Variants in SLC8A1 observed in about 807,000 individuals in gnomAD.
SLC8A1 encodes the protein sodium/calcium exchanger 1.
Under a neutral mutation model 68.3 loss-of-function variants are expected in SLC8A1, and 18 were observed. That is an observed-to-expected ratio of 0.26 (90% CI 0.18 to 0.39). The LOEUF (loss-of-function observed/expected upper bound fraction) is 0.39. SLC8A1 is among the 10% of genes least tolerant of loss of function. SLC8A1 has a pLI of 1.00. For missense variants in SLC8A1, 985 were observed against 1,156.7 expected (o/e 0.85, Z 2.15); for synonymous variants, 475 against 415.5 (o/e 1.14, Z -1.74).
intron 1 of SLC8A1, among the ~76,000 whole-genome samples, chr2:40,478,833 G>T (rs1170387638): frequency 6.6e-6 from 1 of 150,902 alleles, no homozygotes; most frequent in African/African-American, 2.4e-5. Context: ...GTGCAATGGC[G>T]CAGTCCCAGC....
At chr2:40,264,883 T>C (rs374064486) in intron 2 of SLC8A1, among the ~76,000 whole-genome samples, 57 of 152,180 alleles carry the variant, frequency 3.7e-4, no homozygotes, top group African/African-American at 1.2e-3. Context: ...TTAATGACCA[T>C]TAATTATAGC....
At position 40,283,779 on chromosome 2, in the gene SLC8A1, C is replaced by T. The variant is rs983192432; in HGVS notation, c.1809-105924G>A. On this transcript the variant is annotated intron_variant, in intron 2 of 7. Transcript: ENST00000406785. The stretch of plus-strand genomic sequence containing the variant: ...TGCCCACTATATCCTTGACAGCGTT[C>T]CTAACAATAGACGCCGAAGATAGAA... Among the ~76,000 whole-genome samples the T allele has an allele frequency of 4.6e-5, 7 of 152,122 alleles. No individual in the cohort carries two copies. In the East Asian group the frequency reaches 9.6e-4, roughly 21 times the overall value.
intron 1 of SLC8A1, among the ~76,000 whole-genome samples, chr2:40,444,641 C>T (rs142820529): frequency 2.8e-4 from 42 of 152,116 alleles, no homozygotes; most frequent in African/African-American, 8.4e-4. Flanking sequence ...TACCTGTTCT[C>T]GTAAGGCGCA....
chr2:40,325,691 TGGG>T (rs2075738578), intron 2 of SLC8A1, among the ~76,000 whole-genome samples: 1 of 146,696 alleles, frequency 6.8e-6, no homozygotes, highest in Non-Finnish European at 1.5e-5. Flanking sequence ...CTCAGCACTT[TGGG>T]AGGCCAAGAC....
At chr2:40,390,341 T>A (rs1684887898) in intron 2 of SLC8A1, among the ~76,000 whole-genome samples, 1 of 152,080 alleles carries the variant, frequency 6.6e-6, no homozygotes, top group African/African-American at 2.4e-5. Flanking sequence ...GGATAAAATG[T>A]TTATTAAATG....
At chr2:40,317,389 G>A (rs1193054172) in intron 2 of SLC8A1, among the ~76,000 whole-genome samples, 1 of 151,980 alleles carries the variant, frequency 6.6e-6, no homozygotes, top group Non-Finnish European at 1.5e-5. Context: ...GTTTAAGCTG[G>A]AGAAAAATTC....
chr2:40,254,938 G>C (rs1224280859), intron 2 of SLC8A1: 1 of 151,956 alleles, frequency 6.6e-6, no homozygotes, highest in African/African-American at 2.4e-5. Context: ...AAACAGTATA[G>C]GATTGAGCCC....
intron 2 of SLC8A1, among the ~76,000 whole-genome samples, chr2:40,201,068 C>T (rs1363225881): frequency 6.6e-6 from 1 of 151,206 alleles, no homozygotes; most frequent in Non-Finnish European, 1.5e-5. Flanking sequence ...TGCCAAAATA[C>T]TCAGGAATAT....
At chr2:40,312,682 A>C (rs536362314) in intron 2 of SLC8A1, among the ~76,000 whole-genome samples, 2 of 152,268 alleles carry the variant, frequency 1.3e-5, no homozygotes, top group South Asian at 4.1e-4. Context: ...ATACAAGATA[A>C]GATTGCATAC....
chr2:40,193,006 G>A (rs1413855038), intron 2 of SLC8A1, among the ~76,000 whole-genome samples: 3 of 152,094 alleles, frequency 2.0e-5, no homozygotes, highest in South Asian at 2.1e-4. Context: ...TGCATTCCCC[G>A]TGACAGTGAG....
At chr2:40,363,851 C>T (rs1398854841) in intron 2 of SLC8A1, among the ~76,000 whole-genome samples, 1 of 151,928 alleles carries the variant, frequency 6.6e-6, no homozygotes, top group Non-Finnish European at 1.5e-5. Context: ...TCTGAACAGT[C>T]ACATTATTTG....
intron 7 of SLC8A1, among the ~76,000 whole-genome samples, chr2:40,135,684 C>T (rs1335355297): frequency 6.6e-6 from 1 of 152,134 alleles, no homozygotes; most frequent in Non-Finnish European, 1.5e-5. Context: ...TGCCACTGCA[C>T]TCCAGCCTGG....
chr2:40,268,636 T>C (rs988162209), intron 2 of SLC8A1, among the ~76,000 whole-genome samples: 3 of 152,136 alleles, frequency 2.0e-5, no homozygotes, highest in African/African-American at 7.2e-5. Context: ...TGAAATCCTA[T>C]GTACGTGTAT....
intron 2 of SLC8A1, among the ~76,000 whole-genome samples, chr2:40,212,375 C>T (rs532312994): frequency 9.9e-4 from 148 of 149,042 alleles, no homozygotes; most frequent in Non-Finnish European, 1.9e-3. Context: ...ACCTCTGCCT[C>T]CCGGGTTCAA....
chr2:40,100,858 T>A lies in SLC8A1; in HGVS notation c.*14395A>T, dbSNP rs560203400. The A allele has an allele frequency of 3.3e-5, 5 of 152,212 alleles. 1 individual carries two copies. The South Asian group carries it at 1.0e-3, about 32-fold the overall frequency. The allele number at this position is 152,212 out of a possible 1,614,324, so 9.4% of individuals were successfully genotyped here. A position where few individuals can be genotyped will look rare whatever the true frequency, so the allele number is the denominator to read the frequency against. ...TCTAATTCCTGAAAAAGAGCTACCA[T>A]TCCAAAATATCTGACAAGTTTGGTT... On this transcript the variant is annotated 3_prime_UTR_variant, in exon 8 of 8. Coordinates refer to ENST00000406785, the Ensembl canonical transcript of SLC8A1.
At chr2:40,370,539 T>A (rs529468550) in intron 2 of SLC8A1, among the ~76,000 whole-genome samples, 6 of 152,234 alleles carry the variant, frequency 3.9e-5, no homozygotes, top group African/African-American at 1.4e-4. Context: ...CAAAACATCC[T>A]GGAAAAAACT....
intron 2 of SLC8A1, among the ~76,000 whole-genome samples, chr2:40,386,170 G>A (rs540452811): frequency 2.0e-5 from 3 of 151,114 alleles, no homozygotes; most frequent in East Asian, 3.9e-4. Flanking sequence ...ATATGCCCAC[G>A]GACAAAAACA....
chr2:40,309,157 A>T lies in SLC8A1; in HGVS notation c.1808+119316T>A, dbSNP rs2073215561. On this transcript the variant is annotated intron_variant, in intron 2 of 7. Coordinates refer to ENST00000406785, the Ensembl canonical transcript of SLC8A1. ...CTGCATTTAGCTTTTGAGGGGACAC[A>T]TACCAAGGTGACAGTGCTTTAGGTA... Among the ~76,000 whole-genome samples, 3 of 152,320 alleles carry T rather than the reference A, an allele frequency of 2.0e-5. No homozygotes were observed. In the South Asian group the frequency reaches 6.2e-4, roughly 32 times the overall value.
At chr2:40,167,539 T>C (rs144495816) in intron 4 of SLC8A1, among the ~76,000 whole-genome samples, 41 of 152,306 alleles carry the variant, frequency 2.7e-4, no homozygotes, top group African/African-American at 9.9e-4. Context: ...TTAAGAAATA[T>C]AGTGTTAACT....
Sources: allele counts gnomAD v4.1 joint callset (sites outside exome capture counted in the v4.1 genomes callset), GRCh38; gene constraint gnomAD v4.1.1; transcripts MANE v1.5; gene names NCBI Gene and HGNC (gene_info 2026-07-23, HGNC 2026-07-21).